The following CHCHD3 variants were observed in gnomAD, a reference collection of about 807,000 sequenced individuals.
The protein encoded by CHCHD3 is MICOS complex subunit MIC19.
Under a neutral mutation model 38.2 loss-of-function variants are expected in CHCHD3, and 20 were observed. The ratio of observed to expected loss-of-function variants is 0.52; its 90% CI spans 0.37 to 0.76. CHCHD3 has a LOEUF of 0.76. CHCHD3 is among the 30% of genes least tolerant of loss of function. The pLI, the probability that CHCHD3 is intolerant of heterozygous loss-of-function variation, is 0.00. For missense variants in CHCHD3, 245 were observed against 279.2 expected, an observed-to-expected ratio of 0.88 and a Z score of 0.87; for synonymous variants, 82 against 100.0, an observed-to-expected ratio of 0.82 and a Z score of 1.07.
chr7:133,055,334 T>C (rs1405767843), intron 2 of CHCHD3, among the ~76,000 whole-genome samples: 1 of 145,988 alleles, frequency 6.8e-6, no homozygotes, highest in African/African-American at 2.5e-5. Context: ...ATAATTGTTA[T>C]ATATTTATAA....
At chr7:133,070,287 G>A in intron 1 of CHCHD3, 58 bp from the exon 2 acceptor site, 1 of 1,396,874 alleles carries the variant, frequency 7.2e-7, no homozygotes, top group Non-Finnish European at 1.0e-6. Flanking sequence ...AAAAACCAGT[G>A]CAATAACATC....
At chr7:133,020,288 G>A (rs1191354725) in intron 3 of CHCHD3, among the ~76,000 whole-genome samples, 1 of 152,148 alleles carries the variant, frequency 6.6e-6, no homozygotes, top group Non-Finnish European at 1.5e-5. Flanking sequence ...TATTGTCACT[G>A]TGGCCTTAGT....
chr7:133,018,700 T>A (rs1314625612), intron 3 of CHCHD3, among the ~76,000 whole-genome samples: 1 of 152,102 alleles, frequency 6.6e-6, no homozygotes, highest in African/African-American at 2.4e-5. Flanking sequence ...AGAGATAATT[T>A]AAGTTTTTAT....
At chr7:132,962,006 C>G (rs79160126) in intron 4 of CHCHD3, among the ~76,000 whole-genome samples, 2 of 152,174 alleles carry the variant, frequency 1.3e-5, no homozygotes, top group Admixed American at 6.5e-5. Flanking sequence ...CCAACAAACA[C>G]GTATTAGCAG....
intron 2 of CHCHD3, among the ~76,000 whole-genome samples, chr7:133,054,832 T>C (rs1814270045): frequency 6.6e-6 from 1 of 152,168 alleles, no homozygotes; most frequent in Non-Finnish European, 1.5e-5. Context: ...TGGAAAGTAT[T>C]CTGAAGAAGC....
intron 1 of CHCHD3, among the ~76,000 whole-genome samples, chr7:133,073,436 C>T (rs985172070): frequency 3.3e-5 from 5 of 152,176 alleles, no homozygotes; most frequent in South Asian, 2.1e-4. Context: ...GGTCTCCACA[C>T]TGAAGTGCCT....
At chr7:133,009,894 C>G (rs538990992) in intron 3 of CHCHD3, among the ~76,000 whole-genome samples, 1 of 152,282 alleles carries the variant, frequency 6.6e-6, no homozygotes, top group African/African-American at 2.4e-5. Flanking sequence ...CATATACTGT[C>G]AAGTTTCCAC....
intron 6 of CHCHD3, among the ~76,000 whole-genome samples, chr7:132,835,229 G>A (rs551764840): frequency 9.9e-5 from 15 of 150,912 alleles, no homozygotes; most frequent in East Asian, 3.9e-4. Flanking sequence ...CAATCCACCC[G>A]CCTCGGCCTC....
chr7:133,000,623 AGAGCAAC>A, intron 3 of CHCHD3, among the ~76,000 whole-genome samples: 1 of 152,316 alleles, frequency 6.6e-6, no homozygotes, highest in East Asian at 1.9e-4. Context: ...TAAATATATT[AGAGCAAC>A]ACTGACTAAT....
intron 2 of CHCHD3, among the ~76,000 whole-genome samples, chr7:133,056,665 G>T (rs542817739): frequency 2.0e-5 from 3 of 152,260 alleles, no homozygotes; most frequent in Admixed American, 6.5e-5. Flanking sequence ...AGTTCACTTG[G>T]CAAGAGTCAA....
intron 6 of CHCHD3, among the ~76,000 whole-genome samples, chr7:132,824,467 C>T (rs188402485): frequency 5.3e-5 from 8 of 151,962 alleles, no homozygotes; most frequent in Admixed American, 3.3e-4. Context: ...AACAGGTGCC[C>T]GCCACCACGC....
intron 3 of CHCHD3, among the ~76,000 whole-genome samples, chr7:133,008,379 AAC>A (rs1332873663): frequency 5.3e-5 from 8 of 151,990 alleles, no homozygotes; most frequent in Non-Finnish European, 1.0e-4. Flanking sequence ...GAAAAAAAAA[AAC>A]AATCAAAATG....
intron 3 of CHCHD3, among the ~76,000 whole-genome samples, chr7:132,992,133 G>C (rs967703732): frequency 7.2e-5 from 11 of 152,300 alleles, no homozygotes; most frequent in African/African-American, 2.6e-4. Context: ...GGAAGAACAA[G>C]GAGCTGTTTC....
At chr7:132,985,470 T>G in intron 3 of CHCHD3, among the ~76,000 whole-genome samples, 1 of 56,866 alleles carries the variant, frequency 1.8e-5, no homozygotes, top group African/African-American at 6.7e-5. Context: ...GGAGCCCCTC[T>G]GCCCGGCCAG....
In CHCHD3 at chr7:132,854,266, A is replaced by G. The variant is rs542738449; in HGVS notation, c.454-15797T>C. On this transcript the variant is annotated intron_variant, in intron 5 of 7. Coordinates refer to ENST00000262570, the MANE Select transcript of CHCHD3 (RefSeq NM_017812.4). The stretch of plus-strand genomic sequence containing the variant: ...AAAAATGAAAAACAAGTATTTAGCC[A>G]CAGAAAATAGCTAAAGTAACTAATA... Among the ~76,000 whole-genome samples the G allele has an allele frequency of 1.4e-4, 22 of 152,370 alleles. 1 individual carries two copies. The South Asian group carries it at 4.3e-3, about 30-fold the overall frequency.
chr7:132,918,382 G>T (rs897490183), intron 4 of CHCHD3, among the ~76,000 whole-genome samples: 1 of 152,168 alleles, frequency 6.6e-6, no homozygotes, highest in African/African-American at 2.4e-5. Flanking sequence ...AATTAAATAA[G>T]AGAGTTTGGG....
At chr7:132,973,430 G>A (rs1811663120) in intron 4 of CHCHD3, 7 of 985,296 alleles carry the variant, frequency 7.1e-6, no homozygotes, top group Admixed American at 6.1e-5. Flanking sequence ...CAGCTTAGAC[G>A]TACAACAAAT....
chr7:133,058,970 T>G (rs1292062236), intron 2 of CHCHD3, among the ~76,000 whole-genome samples: 1 of 152,176 alleles, frequency 6.6e-6, no homozygotes, highest in African/African-American at 2.4e-5. Flanking sequence ...GTCCCCACAC[T>G]GGGAGGACTG....
chr7:132,899,764 C>T (rs1220511448), intron 4 of CHCHD3, among the ~76,000 whole-genome samples: 1 of 152,218 alleles, frequency 6.6e-6, no homozygotes, highest in Admixed American at 6.5e-5. Context: ...AGCAGATCAC[C>T]TCACCTTTCT....
Sources: gnomAD v4.1 joint callset for allele counts (sites outside exome capture counted in the v4.1 genomes callset) on GRCh38, gnomAD v4.1.1 for gene constraint, MANE v1.5 for transcripts, NCBI Gene and HGNC (gene_info 2026-07-23, HGNC 2026-07-21) for gene names.